TASOR: variants seen among roughly 807,000 people sequenced by gnomAD.
The protein encoded by TASOR is protein TASOR.
TASOR carries 53 observed loss-of-function variants against 178.6 expected under a neutral mutation model. The ratio of observed to expected loss-of-function variants is 0.30; its 90% CI spans 0.24 to 0.37. TASOR has a LOEUF of 0.37. TASOR is among the 10% of genes least tolerant of loss of function. The pLI is 1.00. For synonymous variants in TASOR, 713 were observed against 696.2 expected, an observed-to-expected ratio of 1.02 and a Z score of -0.38; for missense variants, 1,815 against 1,971.4, an observed-to-expected ratio of 0.92 and a Z score of 1.50.
rs1433851701 is a variant in TASOR at position 56,649,015 on chromosome 3, G to A, written c.1411C>T (p.Leu471Phe). The A allele has an allele frequency of 1.9e-6, 3 of 1,608,256 alleles. No individual in the cohort carries two copies. The highest frequency in any genetic ancestry group is 1.7e-6 in the Non-Finnish European group (2 of 1,178,418). ...GGAGGAACCATCTGATAAGGGGAGA[G>A]AAGAAAAAGGTATCCTCGGTCTCCC... The part of the protein sequence containing the change: ...PLGDRGYLFL[L>F]SPYQMVPPYE... Residue 471 changes from leucine to phenylalanine, a missense_variant, in exon 12 of 24, where the codon CTC becomes TTC. Around this residue, in one of 5 missense-constraint regions of TASOR, gnomAD observed 504 missense variants for 645.3 expected, o/e 0.78. Coordinates refer to ENST00000683822, the MANE Select transcript of TASOR (RefSeq NM_001365635.2).
In TASOR at chr3:56,627,104, T is replaced by C. The variant is rs200772232; in HGVS notation, c.4072A>G (p.Thr1358Ala). The C allele has an allele frequency of 6.2e-7, 1 of 1,612,644 alleles. No individual in the cohort carries two copies. Among genetic ancestry groups the C allele is most frequent in the Non-Finnish European group, 8.5e-7 (1 of 1,179,354 alleles). ...TTCCATTGCCATTTTCCTTCTGGAG[T>C]ACTAAGTTCCTCAAGGAATGTCAAA... ...NFLTFLEELS[T>A]PEGKWQWKVH... Residue 1358 changes from threonine (T) to alanine (A), a missense_variant, in exon 21 of 24, where the codon ACT becomes GCT. By Grantham distance (58) the Thr-to-Ala change is moderately conservative. This residue lies in a region of TASOR where 134 missense variants were observed against 195.2 expected (regional missense o/e 0.69). Coordinates refer to ENST00000683822, the MANE Select transcript of TASOR (RefSeq NM_001365635.2).
chr3:56,630,025 G>A (rs554933805), intron 18 of TASOR, among the ~76,000 whole-genome samples: 2 of 151,568 alleles, frequency 1.3e-5, no homozygotes, highest in African/African-American at 4.8e-5. Flanking sequence ...CAGTGCAGTG[G>A]CGCTATCTCG....
chr3:56,673,626 T>A lies in TASOR; in HGVS notation c.431A>T (p.Asn144Ile). ...YLEPTSVTNFNYRRACLVHNE... is the reference protein window; with the variant it reads ...YLEPTSVTNFIYRRACLVHNE... ...GTGTACCAAGCAAGCACGTCTGTAG[T>A]TAAAATTTGTTACTGAGGTTGGTTC... The change falls in exon 2 of 24, where the codon AAC becomes ATC. Residue 144 changes from asparagine to isoleucine, a missense_variant. This residue lies in a region of TASOR where 244 missense variants were observed against 202.7 expected (regional missense o/e 1.20). Transcript: ENST00000683822. 1 of 1,551,256 alleles carries A rather than the reference T, an allele frequency of 6.4e-7. No individual in the cohort carries two copies. Among genetic ancestry groups the A allele is most frequent in the Non-Finnish European group, 8.7e-7 (1 of 1,146,842 alleles).
At chr3:56,642,802 G>T (rs545459581) in intron 14 of TASOR, among the ~76,000 whole-genome samples, 2 of 152,032 alleles carry the variant, frequency 1.3e-5, no homozygotes, top group South Asian at 4.2e-4. Context: ...GTGAAACCCC[G>T]TCTCTACTAA....
At chr3:56,658,936 G>A (rs1317913088) in intron 11 of TASOR, among the ~76,000 whole-genome samples, 3 of 129,422 alleles carry the variant, frequency 2.3e-5, no homozygotes, top group Non-Finnish European at 4.7e-5. Context: ...GACAGAGAGT[G>A]AGAGAGAGAC....
rs1478832298 is a variant in TASOR, at chr3:56,623,141, A to C, written c.4909T>G (p.Tyr1637Asp). ...SSSQSQENEN[Y>D]FLSAYTESLD... Reference sequence around the variant, plus strand: ...CTTTCAGTATAAGCAGATAAGAAGTAATTCTCATTTTCTTGAGACTGACTT... The same window carrying C: ...CTTTCAGTATAAGCAGATAAGAAGTCATTCTCATTTTCTTGAGACTGACTT... Residue 1637 changes from tyrosine (Y) to aspartate (D), a missense_variant, in exon 24 of 24, where the codon TAC (tyrosine) becomes GAC (aspartate). Tyr to Asp is a radical substitution (Grantham distance 160, BLOSUM62 -3). Coordinates refer to ENST00000683822, the MANE Select transcript of TASOR (RefSeq NM_001365635.2). 1 of 1,613,516 alleles carries C rather than the reference A, an allele frequency of 6.2e-7. No homozygotes were observed. Among genetic ancestry groups the C allele is most frequent in the East Asian group, 2.2e-5 (1 of 44,848 alleles).
chr3:56,667,515 G>A (rs2030169757), intron 6 of TASOR, among the ~76,000 whole-genome samples: 1 of 152,004 alleles, frequency 6.6e-6, no homozygotes, highest in South Asian at 2.1e-4. Flanking sequence ...AAATTAGCTA[G>A]GTGAGGTGGC....
intron 1 of TASOR, among the ~76,000 whole-genome samples, chr3:56,674,050 C>T (rs955537597): frequency 1.3e-5 from 2 of 152,076 alleles, no homozygotes; most frequent in East Asian, 1.9e-4. Context: ...TGTTTATACT[C>T]AACTTAGCTC....
chr3:56,640,534 T>C (rs2077099745), intron 15 of TASOR, among the ~76,000 whole-genome samples: 3 of 151,670 alleles, frequency 2.0e-5, no homozygotes, highest in Admixed American at 1.3e-4. Context: ...ACAAAAGATA[T>C]CAGAAAATAT....
intron 17 of TASOR, among the ~76,000 whole-genome samples, chr3:56,635,362 A>G (rs1436263637): frequency 6.6e-6 from 1 of 152,240 alleles, no homozygotes; most frequent in Non-Finnish European, 1.5e-5. Context: ...GTTTCATAAG[A>G]TAATTAGGAG....
chr3:56,661,964 A>G (rs2077606098), intron 9 of TASOR, among the ~76,000 whole-genome samples: 1 of 87,120 alleles, frequency 1.1e-5, no homozygotes, highest in East Asian at 2.1e-3. Flanking sequence ...CGTCTCTACT[A>G]AAAATACAAA....
rs189589766 is a variant in TASOR at position 56,620,622 on chromosome 3, C to T, written c.*2415G>A. 33 of 152,292 alleles carry T rather than the reference C, an allele frequency of 2.2e-4. No homozygotes were observed. Among genetic ancestry groups the T allele is most frequent in the African/African-American group, 7.0e-4 (29 of 41,558 alleles). The allele number at this position is 152,292 out of a possible 1,614,324, so 9.4% of individuals were successfully genotyped here. On this transcript the variant is annotated 3_prime_UTR_variant, in exon 24 of 24. Coordinates refer to ENST00000683822, the MANE Select transcript of TASOR (RefSeq NM_001365635.2). ...CCTCTACAGAACTAGAAAATTGTCC[C>T]CCCACTTTGGTCTATTTACTCATTT...
intron 5 of TASOR, 104 bp downstream of exon 5, chr3:56,669,596 C>T: frequency 6.0e-6 from 4 of 665,940 alleles, no homozygotes; most frequent in Non-Finnish European, 7.5e-6. Flanking sequence ...CAAACACTAA[C>T]AAGCATGAAC....
At chr3:56,667,401 C>T (rs1299104850) in intron 6 of TASOR, among the ~76,000 whole-genome samples, 3 of 151,832 alleles carry the variant, frequency 2.0e-5, no homozygotes, top group African/African-American at 7.3e-5. Flanking sequence ...GTTGTAATCC[C>T]AACACTTTGG....
At chr3:56,669,050 GA>G (rs11352670) in intron 5 of TASOR, among the ~76,000 whole-genome samples, 29,160 of 142,080 alleles carry the variant, frequency 0.21, 3,505 homozygotes, top group South Asian at 0.48. Flanking sequence ...ATCACTAAAA[GA>G]AAAAAAAAAA....
Position 56,654,024 on chromosome 3 carries a change from C to T in TASOR, c.1369-4967G>A, listed in dbSNP as rs533219620. The stretch of plus-strand genomic sequence containing the variant: ...ACTCACCCTGGTAATCCCAGCACTA[C>T]GGGAGGCCGAGGCAGGCAGATCACT... On this transcript the variant is annotated intron_variant, in intron 11 of 23. Coordinates refer to ENST00000683822, the MANE Select transcript of TASOR (RefSeq NM_001365635.2). Among the ~76,000 whole-genome samples the T allele has an allele frequency of 2.4e-3, 370 of 152,184 alleles. 3 individuals carry two copies. Among genetic ancestry groups the T allele is most frequent in the South Asian group, 0.021 (102 of 4,824 alleles).
intron 1 of TASOR, 79 bp downstream of exon 1, chr3:56,682,596 TG>T: frequency 7.8e-7 from 1 of 1,277,740 alleles, no homozygotes; most frequent in Admixed American, 3.0e-5. Flanking sequence ...CGGATGGGTG[TG>T]GGAAGAGGAG....
chr3:56,682,531 C>T, intron 1 of TASOR, 145 bp downstream of exon 1: 3 of 707,186 alleles, frequency 4.2e-6, no homozygotes, highest in Non-Finnish European at 4.2e-6. Context: ...GGCAGCTGGG[C>T]GGCCGTGGCG....
chr3:56,657,454 A>G (rs577296625), intron 11 of TASOR, among the ~76,000 whole-genome samples: 60 of 152,324 alleles, frequency 3.9e-4, no homozygotes, highest in Admixed American at 7.2e-4. Flanking sequence ...ACAAAAATGT[A>G]TATGATATAA....
Sources: allele counts gnomAD v4.1 joint callset (sites outside exome capture counted in the v4.1 genomes callset), GRCh38; gene constraint gnomAD v4.1.1; regional missense constraint gnomAD v4.1.1; transcripts MANE v1.5; gene names NCBI Gene and HGNC (gene_info 2026-07-23, HGNC 2026-07-21).